Variants in RERE observed in about 807,000 individuals in gnomAD.
The protein encoded by RERE is arginine-glutamic acid dipeptide repeats protein.
A neutral mutation model predicts 146.1 loss-of-function variants in RERE; 40 were observed. The observed-to-expected ratio is 0.27, with a 90% CI of 0.21 to 0.36. RERE has a LOEUF of 0.36. Ranked by LOEUF, RERE falls within the 10% of genes least tolerant of loss-of-function variation. RERE has a pLI of 1.00. For missense variants in RERE, 1,933 were observed against 2,138.7 expected (o/e 0.90, Z 1.90); for synonymous variants, 1,003 against 866.0 (o/e 1.16, Z -2.78).
At chr1:8,387,214 A>G (rs1642707592) in intron 12 of RERE, among the ~76,000 whole-genome samples, 1 of 152,232 alleles carries the variant, frequency 6.6e-6, no homozygotes, top group South Asian at 2.1e-4. Flanking sequence ...AACACAAATC[A>G]GTGGAGAAAA....
At chr1:8,617,170 C>G (rs1424573156) in intron 3 of RERE, among the ~76,000 whole-genome samples, 1 of 151,744 alleles carries the variant, frequency 6.6e-6, no homozygotes, top group Non-Finnish European at 1.5e-5. Context: ...TAGTGAAACC[C>G]CGTCTCTACT....
chr1:8,678,422 A>G (rs2124389811), intron 1 of RERE, among the ~76,000 whole-genome samples: 1 of 152,032 alleles, frequency 6.6e-6, no homozygotes, highest in African/African-American at 2.4e-5. Context: ...AAGGCGGGCA[A>G]TCCCGAGGTC....
At chr1:8,733,476 G>A (rs1410781403) in intron 1 of RERE, among the ~76,000 whole-genome samples, 1 of 152,208 alleles carries the variant, frequency 6.6e-6, no homozygotes, top group Non-Finnish European at 1.5e-5. Flanking sequence ...AAAAGACATT[G>A]CAGCTTTCAC....
intron 3 of RERE, among the ~76,000 whole-genome samples, chr1:8,620,406 G>A (rs750912380): frequency 1.3e-5 from 2 of 152,174 alleles, no homozygotes; most frequent in African/African-American, 4.8e-5. Context: ...CCTAGCAAGT[G>A]AGCTTGCCTA....
Position 8,813,399 on chromosome 1 carries a change from AT to A in RERE, c.-145+3760del, listed in dbSNP as rs1641850139. ...ATGTCCAACTTATTTTACTACTTAAATTTTTTTTGATCACTGATATTTGAAA... is the reference window on the plus strand; with the variant it reads ...ATGTCCAACTTATTTTACTACTTAAATTTTTTTGATCACTGATATTTGAAA... On this transcript the variant is annotated intron_variant, in intron 1 of 22. Transcript: ENST00000400908. Among the ~76,000 whole-genome samples, 3 of 151,878 alleles carry A rather than the reference AT, an allele frequency of 2.0e-5. No individual in the cohort carries two copies. The South Asian group carries it at 6.2e-4, about 31-fold the overall frequency.
chr1:8,792,727 T>C (rs1641384899), intron 1 of RERE: 1 of 152,248 alleles, frequency 6.6e-6, no homozygotes, highest in Non-Finnish European at 1.5e-5. Context: ...TCCTCTCTCT[T>C]TGGTGCTTTA....
At chr1:8,799,781 T>C (rs1271001217) in intron 1 of RERE, among the ~76,000 whole-genome samples, 1 of 151,644 alleles carries the variant, frequency 6.6e-6, no homozygotes, top group Non-Finnish European at 1.5e-5. Context: ...TCATCAGCTA[T>C]CATTAGTGTT....
intron 12 of RERE, among the ~76,000 whole-genome samples, chr1:8,382,187 G>A (rs1642482659): frequency 6.6e-6 from 1 of 152,274 alleles, no homozygotes; most frequent in African/African-American, 2.4e-5. Flanking sequence ...ATGCCTGCAA[G>A]CTAGCCATGC....
intron 6 of RERE, among the ~76,000 whole-genome samples, chr1:8,547,892 T>C (rs1009806248): frequency 7.2e-5 from 11 of 152,154 alleles, no homozygotes; most frequent in African/African-American, 2.7e-4. Context: ...GATAAGAAAA[T>C]ATATATGCAC....
At position 8,647,645 on chromosome 1, in the gene RERE, G is replaced by A. The variant is rs895647716; in HGVS notation, c.325+8328C>T. Among the ~76,000 whole-genome samples, 251 of 137,792 alleles carry A rather than the reference G, an allele frequency of 1.8e-3. 3 individuals are homozygous for A. The highest frequency in any genetic ancestry group is 5.6e-3 in the African/African-American group (176 of 31,524). The allele number at this position is 137,792 out of a possible 152,430, so 90.4% of individuals were successfully genotyped here. ...GAGCTTCTATTTAAAATATGTATGTGTGTGTGTGTGTGTGTGTGTGTGTGT... is the reference window on the plus strand; with the variant it reads ...GAGCTTCTATTTAAAATATGTATGTATGTGTGTGTGTGTGTGTGTGTGTGT... On this transcript the variant is annotated intron_variant, in intron 2 of 22. Coordinates refer to ENST00000400908, the MANE Select transcript of RERE (RefSeq NM_001042681.2).
chr1:8,521,564 G>A (rs1038193248), intron 7 of RERE, among the ~76,000 whole-genome samples: 8 of 152,156 alleles, frequency 5.3e-5, no homozygotes, highest in African/African-American at 7.2e-5. Context: ...TTTGACCTGC[G>A]AATTAATAAC....
chr1:8,793,192 A>AAGAG, intron 1 of RERE, among the ~76,000 whole-genome samples: 1 of 151,406 alleles, frequency 6.6e-6, no homozygotes, highest in Non-Finnish European at 1.5e-5. Context: ...GAAAGAAAGA[A>AAGAG]AGAAGGCTCT....
chr1:8,423,117 G>C lies in RERE; in HGVS notation c.1204-310C>G. 2.9e-6 allele frequency: 1 copy of C among 347,828 alleles called. No individual in the cohort carries two copies. The highest frequency in any genetic ancestry group is 2.1e-5 in the African/African-American group (1 of 48,634). 21.5% of individuals were successfully genotyped at this position (347,828 alleles called of 1,614,324 possible). ...CCACCAGGCACACATTCTGGTGCAC[G>C]AAGGTATAAATATGCTCCATGTTTT... On this transcript the variant is annotated intron_variant, in intron 11 of 22. Transcript: ENST00000400908. The surrounding 1 kb of genome is among the most constrained non-coding windows in gnomAD (Gnocchi z 5.4).
intron 1 of RERE, among the ~76,000 whole-genome samples, chr1:8,660,082 C>A (rs1004797174): frequency 1.3e-5 from 2 of 151,524 alleles, no homozygotes; most frequent in Non-Finnish European, 2.9e-5. Flanking sequence ...ATAATTAATA[C>A]CATATCATTT....
intron 6 of RERE, among the ~76,000 whole-genome samples, chr1:8,554,249 AT>A (rs1645976612): frequency 6.6e-6 from 1 of 152,238 alleles, no homozygotes; most frequent in South Asian, 2.1e-4. Context: ...GATTTTAAGC[AT>A]TTATGTCAAA....
intron 1 of RERE, among the ~76,000 whole-genome samples, chr1:8,731,594 A>T (rs1428840382): frequency 6.7e-6 from 1 of 148,536 alleles, no homozygotes; most frequent in Non-Finnish European, 1.5e-5. Context: ...CTCCAGTATA[A>T]AAAAAAAAAT....
At chr1:8,379,627 C>T (rs1385755003) in intron 12 of RERE, among the ~76,000 whole-genome samples, 1 of 152,214 alleles carries the variant, frequency 6.6e-6, no homozygotes, top group Non-Finnish European at 1.5e-5. Context: ...GCGGCTGGCT[C>T]TCCCTTAAGA....
chr1:8,634,378 C>T (rs1030519489), intron 2 of RERE, among the ~76,000 whole-genome samples: 31 of 152,206 alleles, frequency 2.0e-4, no homozygotes, highest in African/African-American at 7.5e-4. Flanking sequence ...TTTTATCTTG[C>T]AGTACCATAC....
At chr1:8,452,781 T>A (rs922009029) in intron 11 of RERE, among the ~76,000 whole-genome samples, 1 of 152,186 alleles carries the variant, frequency 6.6e-6, no homozygotes, top group Non-Finnish European at 1.5e-5. Context: ...TGTATATTTT[T>A]AAGGTAAATT....
Sources: allele counts gnomAD v4.1 joint callset (sites outside exome capture counted in the v4.1 genomes callset), GRCh38; gene constraint gnomAD v4.1.1; non-coding constraint Gnocchi (gnomAD v3.1); transcripts MANE v1.5; gene names NCBI Gene and HGNC (gene_info 2026-07-23, HGNC 2026-07-21).